Variants in COL5A2 observed in about 807,000 individuals in gnomAD.
The protein encoded by COL5A2 is collagen type V alpha 2 chain, also known as collagen alpha-2(V) chain.
Under a neutral mutation model 208.2 loss-of-function variants are expected in COL5A2, and 23 were observed. That is an observed-to-expected ratio of 0.11 (90% CI 0.08 to 0.16). COL5A2 has a LOEUF of 0.16. Ranked by LOEUF, COL5A2 falls within the 10% of genes least tolerant of loss-of-function variation. COL5A2 has a pLI of 1.00. For synonymous variants in COL5A2, 625 were observed against 628.5 expected (o/e 0.99, Z 0.08); for missense variants, 1,590 against 1,956.4 (o/e 0.81, Z 3.53).
the COL5A2 span, among the ~76,000 whole-genome samples, chr2:189,428,281 C>A: frequency 6.6e-6 from 1 of 152,092 alleles, no homozygotes; most frequent in Non-Finnish European, 1.5e-5. Flanking sequence ...TAGCCCTATA[C>A]CCCTAGTGCT....
intron 1 of COL5A2, among the ~76,000 whole-genome samples, chr2:189,155,869 G>T (rs1375556747): frequency 1.3e-5 from 2 of 152,050 alleles, no homozygotes; most frequent in East Asian, 3.9e-4. Flanking sequence ...GGAAGCCCCA[G>T]AAGGAAATCC....
intron 1 of COL5A2, among the ~76,000 whole-genome samples, chr2:189,162,451 A>G (rs1688385753): frequency 6.6e-6 from 1 of 152,214 alleles, no homozygotes; most frequent in Admixed American, 6.5e-5. Flanking sequence ...AGAATCATCC[A>G]AAGCAAATTC....
chr2:189,299,254 T>C, the COL5A2 span, among the ~76,000 whole-genome samples: 12 of 152,036 alleles, frequency 7.9e-5, no homozygotes, highest in South Asian at 4.1e-4. Context: ...TATTCAGATA[T>C]ACAATTCCAT....
At chr2:189,160,221 G>T (rs1331900754) in intron 1 of COL5A2, among the ~76,000 whole-genome samples, 1 of 152,108 alleles carries the variant, frequency 6.6e-6, no homozygotes, top group Admixed American at 6.6e-5. Flanking sequence ...GAGGTTCTGA[G>T]AATGTATGCA....
chr2:189,054,495 T>G (rs1685859278), intron 35 of COL5A2, among the ~76,000 whole-genome samples: 1 of 152,214 alleles, frequency 6.6e-6, no homozygotes, highest in Non-Finnish European at 1.5e-5. Flanking sequence ...ACTACATTAA[T>G]GCTAAGCTAC....
chr2:189,321,055 C>T, the COL5A2 span, among the ~76,000 whole-genome samples: 1 of 152,136 alleles, frequency 6.6e-6, no homozygotes, highest in Non-Finnish European at 1.5e-5. Flanking sequence ...AATTTCATAT[C>T]CAGCCAAACT....
At chr2:189,348,390 A>T in the COL5A2 span, among the ~76,000 whole-genome samples, 2 of 152,190 alleles carry the variant, frequency 1.3e-5, no homozygotes, top group African/African-American at 2.4e-5. Context: ...TACCCCAGTT[A>T]TGAAAGAAGA....
chr2:189,181,601 A>G (rs115836547), upstream of COL5A2, among the ~76,000 whole-genome samples: 792 of 152,284 alleles, frequency 5.2e-3, 12 homozygotes, highest in African/African-American at 0.018. Context: ...GGGCTGGCAC[A>G]ATTTTCAGGC....
chr2:189,293,621 TAA>T, the COL5A2 span, among the ~76,000 whole-genome samples: 1 of 152,142 alleles, frequency 6.6e-6, no homozygotes, highest in Admixed American at 6.5e-5. Flanking sequence ...AGTACTTTTA[TAA>T]AAGAGACCCC....
At chr2:189,389,712 C>T in the COL5A2 span, among the ~76,000 whole-genome samples, 3 of 152,140 alleles carry the variant, frequency 2.0e-5, no homozygotes, top group African/African-American at 7.2e-5. Context: ...AGATTAGTTA[C>T]AGTTCCTAAT....
At chr2:189,416,451 T>C in the COL5A2 span, among the ~76,000 whole-genome samples, 85,886 of 152,004 alleles carry the variant, frequency 0.57, 26,080 homozygotes, top group East Asian at 0.69. Context: ...GCCAGCAAAC[T>C]ATCGCAAGGA....
chr2:189,181,290 A>G (rs4355152), upstream of COL5A2, among the ~76,000 whole-genome samples: 1 of 151,970 alleles, frequency 6.6e-6, no homozygotes, highest in Non-Finnish European at 1.5e-5. Context: ...CTAACCCTGT[A>G]CCTCTCAGTT....
chr2:189,090,496 T>C (rs1366111547), intron 7 of COL5A2, among the ~76,000 whole-genome samples: 2 of 152,208 alleles, frequency 1.3e-5, no homozygotes, highest in African/African-American at 2.4e-5. Flanking sequence ...CACTCAACAA[T>C]AGACTTTCAA....
At chr2:189,166,399 T>C (rs1198908900) in intron 1 of COL5A2, among the ~76,000 whole-genome samples, 4 of 152,144 alleles carry the variant, frequency 2.6e-5, no homozygotes, top group South Asian at 2.1e-4. Flanking sequence ...TATTCTGAAA[T>C]TATTCCAGTG....
chr2:189,049,502 C>T (rs372723064), intron 43 of COL5A2, 48 bp from the exon 44 acceptor site: 54 of 1,448,734 alleles, frequency 3.7e-5, no homozygotes, highest in South Asian at 5.9e-5. Context: ...AATTGAAGAA[C>T]GCTAGTTCCC....
At chr2:189,322,382 T>C in the COL5A2 span, among the ~76,000 whole-genome samples, 1 of 151,890 alleles carries the variant, frequency 6.6e-6, no homozygotes, top group Non-Finnish European at 1.5e-5. Context: ...AATCAATGAA[T>C]ACAGGAGCTG....
At chr2:189,201,142 A>G (rs986437037) in intron 1 of COL5A2, among the ~76,000 whole-genome samples, 4 of 152,098 alleles carry the variant, frequency 2.6e-5, no homozygotes, top group Non-Finnish European at 5.9e-5. Flanking sequence ...TAGCAATTAT[A>G]TAAAAAGTTA....
intron 49 of COL5A2, 90 bp downstream of exon 49, chr2:189,042,630 A>T: frequency 7.9e-7 from 1 of 1,270,246 alleles, no homozygotes; most frequent in Non-Finnish European, 1.1e-6. Context: ...CTCCAGCTTC[A>T]ATACCAGGAA....
chr2:189,266,302 T>C, the COL5A2 span, among the ~76,000 whole-genome samples: 1 of 151,988 alleles, frequency 6.6e-6, no homozygotes. Context: ...GGCACGCACC[T>C]GTAATCCCAG....
Sources: gnomAD v4.1 joint callset for allele counts (sites outside exome capture counted in the v4.1 genomes callset) on GRCh38, gnomAD v4.1.1 for gene constraint, MANE v1.5 for transcripts, NCBI Gene and HGNC (gene_info 2026-07-23, HGNC 2026-07-21) for gene names.